PTPRO: variants seen among roughly 807,000 people sequenced by gnomAD.
PTPRO encodes protein tyrosine phosphatase receptor type O, also known as receptor-type tyrosine-protein phosphatase O.
PTPRO carries 62 observed loss-of-function variants against 145.2 expected under a neutral mutation model. The ratio of observed to expected loss-of-function variants is 0.43; its 90% CI spans 0.35 to 0.53. PTPRO has a LOEUF of 0.53. PTPRO is among the 20% of genes least tolerant of loss of function. The pLI is 0.01. For synonymous variants in PTPRO, 565 were observed against 514.7 expected, an observed-to-expected ratio of 1.10 and a Z score of -1.32; for missense variants, 1,345 against 1,482.7, an observed-to-expected ratio of 0.91 and a Z score of 1.53.
At chr12:15,396,810 A>G (rs909645633) in intron 1 of PTPRO, among the ~76,000 whole-genome samples, 2 of 152,200 alleles carry the variant, frequency 1.3e-5, no homozygotes, top group African/African-American at 4.8e-5. Flanking sequence ...CCCTTTGAGC[A>G]TTTACAATAA....
intron 1 of PTPRO, among the ~76,000 whole-genome samples, chr12:15,385,831 AAAGAAG>A (rs1323938259): frequency 6.6e-6 from 1 of 150,498 alleles, no homozygotes; most frequent in Non-Finnish European, 1.5e-5. Context: ...AAAAAAAAAA[AAAGAAG>A]AAGAAGAAGG....
chr12:15,389,102 GA>G (rs965365427), intron 1 of PTPRO, among the ~76,000 whole-genome samples: 2 of 140,290 alleles, frequency 1.4e-5, no homozygotes, highest in Non-Finnish European at 3.0e-5. Context: ...AATAAATAAA[GA>G]ATTTTTTTTT....
intron 1 of PTPRO, among the ~76,000 whole-genome samples, chr12:15,372,126 A>C (rs916590729): frequency 6.6e-6 from 1 of 152,194 alleles, no homozygotes; most frequent in Non-Finnish European, 1.5e-5. Flanking sequence ...CTCTAAAAGA[A>C]AATGTGGGTC....
At chr12:15,424,955 C>A (rs1940244476) in intron 1 of PTPRO, among the ~76,000 whole-genome samples, 1 of 152,090 alleles carries the variant, frequency 6.6e-6, no homozygotes, top group South Asian at 2.1e-4. Context: ...GTGCTTTCTT[C>A]TTAAAGCTGC....
chr12:15,549,291 G>C, intron 14 of PTPRO, 65 bp downstream of exon 14: 2 of 1,215,544 alleles, frequency 1.6e-6, no homozygotes, highest in Non-Finnish European at 2.2e-6. Flanking sequence ...ATATGTATTT[G>C]TATCAATATT....
chr12:15,583,651 C>G (rs994041313), intron 23 of PTPRO, among the ~76,000 whole-genome samples: 1 of 152,196 alleles, frequency 6.6e-6, no homozygotes, highest in Non-Finnish European at 1.5e-5. Context: ...CTACATCAAG[C>G]TTGAGTAGCT....
At chr12:15,472,875 C>A (rs1410945915) in intron 1 of PTPRO, among the ~76,000 whole-genome samples, 1 of 152,200 alleles carries the variant, frequency 6.6e-6, no homozygotes, top group Non-Finnish European at 1.5e-5. Flanking sequence ...CACTTCAGCT[C>A]TGCATTCATA....
chr12:15,466,746 C>T (rs1172322841), intron 1 of PTPRO, among the ~76,000 whole-genome samples: 3 of 152,124 alleles, frequency 2.0e-5, no homozygotes, highest in African/African-American at 7.2e-5. Flanking sequence ...ATGCAACCAA[C>T]GTTCATATTC....
intron 15 of PTPRO, among the ~76,000 whole-genome samples, chr12:15,553,245 G>T (rs1320113682): frequency 3.3e-5 from 5 of 152,178 alleles, no homozygotes; most frequent in African/African-American, 1.2e-4. Flanking sequence ...TCATATTCTA[G>T]TGGGAGAAAT....
chr12:15,493,736 A>C (rs1421397609), intron 2 of PTPRO, among the ~76,000 whole-genome samples: 1 of 152,208 alleles, frequency 6.6e-6, no homozygotes, highest in Non-Finnish European at 1.5e-5. Flanking sequence ...TCTAATTAGA[A>C]AACTTTCTGA....
chr12:15,488,340 A>G (rs1411966105), intron 2 of PTPRO, among the ~76,000 whole-genome samples: 1 of 152,204 alleles, frequency 6.6e-6, no homozygotes. Flanking sequence ...ATTAGTGCAC[A>G]AATATTTCTG....
intron 1 of PTPRO, among the ~76,000 whole-genome samples, chr12:15,417,794 C>T (rs999999009): frequency 1.3e-5 from 2 of 151,800 alleles, no homozygotes; most frequent in Admixed American, 1.3e-4. Context: ...CTACCCTGAA[C>T]TGAGATTCGC....
At position 15,560,153 on chromosome 12, in the gene PTPRO, C is replaced by G. The variant is rs373375999; in HGVS notation, c.2628-40C>G. The G allele has an allele frequency of 3.4e-6, 5 of 1,463,348 alleles. No individual in the cohort carries two copies. The African/African-American group carries it at 7.0e-5, about 20-fold the overall frequency. The allele number at this position is 1,463,348 out of a possible 1,614,324, so 90.6% of individuals were successfully genotyped here. ...CAGTTTATATTACTAACTCTTGCAACTTTTTCATCTTTCCATCTGTTGTCT... is the reference window on the plus strand; with the variant it reads ...CAGTTTATATTACTAACTCTTGCAAGTTTTTCATCTTTCCATCTGTTGTCT... On this transcript the variant is annotated intron_variant, in intron 16 of 26. Coordinates refer to ENST00000281171, the MANE Select transcript of PTPRO (RefSeq NM_030667.3).
At chr12:15,497,152 TGGTAGG>T in intron 2 of PTPRO, 87 bp from the exon 3 acceptor site, 1 of 1,170,420 alleles carries the variant, frequency 8.5e-7, no homozygotes, top group Non-Finnish European at 1.3e-6. Context: ...CGTGAATTTC[TGGTAGG>T]TGTAATCCTT....
intron 1 of PTPRO, among the ~76,000 whole-genome samples, chr12:15,354,354 A>G (rs562052200): frequency 1.3e-5 from 2 of 152,288 alleles, no homozygotes; most frequent in Non-Finnish European, 2.9e-5. Flanking sequence ...CCTTAATTTT[A>G]GCAGAATTCA....
chr12:15,543,922 G>A (rs1943226438), intron 12 of PTPRO, among the ~76,000 whole-genome samples: 1 of 152,200 alleles, frequency 6.6e-6, no homozygotes, highest in African/African-American at 2.4e-5. Context: ...TCTTTCCCAG[G>A]AGGCAACACA....
At chr12:15,573,472 G>A (rs1178221228) in intron 19 of PTPRO, among the ~76,000 whole-genome samples, 1 of 152,130 alleles carries the variant, frequency 6.6e-6, no homozygotes, top group African/African-American at 2.4e-5. Flanking sequence ...ATTACACCAC[G>A]ATTTTAAAGT....
At chr12:15,559,165 C>A (rs1316530148) in intron 16 of PTPRO, among the ~76,000 whole-genome samples, 1 of 152,066 alleles carries the variant, frequency 6.6e-6, no homozygotes, top group Non-Finnish European at 1.5e-5. Flanking sequence ...AACTTCACAG[C>A]CAGTCACAAT....
At chr12:15,593,728 TCCA>T (rs965783351) in intron 25 of PTPRO, among the ~76,000 whole-genome samples, 8 of 152,190 alleles carry the variant, frequency 5.3e-5, no homozygotes, top group African/African-American at 1.9e-4. Context: ...ATTATCTGTG[TCCA>T]CACCATTTAT....
Sources: allele counts gnomAD v4.1 joint callset (sites outside exome capture counted in the v4.1 genomes callset), GRCh38; gene constraint gnomAD v4.1.1; transcripts MANE v1.5; gene names NCBI Gene and HGNC (gene_info 2026-07-23, HGNC 2026-07-21).